Variants in KIF21A observed in about 807,000 individuals in gnomAD.
The protein encoded by KIF21A is kinesin family member 21A, also known as kinesin-like protein KIF21A.
Under a neutral mutation model 202.9 loss-of-function variants are expected in KIF21A, and 114 were observed. The observed-to-expected ratio is 0.56, with a 90% CI of 0.48 to 0.66. The LOEUF (loss-of-function observed/expected upper bound fraction) is 0.66. Ranked by LOEUF, KIF21A falls within the 30% of genes least tolerant of loss-of-function variation. KIF21A has a pLI of 0.00. For synonymous variants in KIF21A, 667 were observed against 670.8 expected (o/e 0.99, Z 0.09); for missense variants, 1,677 against 1,994.9 (o/e 0.84, Z 3.04).
At chr12:39,317,649 A>G (rs1944704537) in intron 29 of KIF21A, among the ~76,000 whole-genome samples, 1 of 152,180 alleles carries the variant, frequency 6.6e-6, no homozygotes, top group Non-Finnish European at 1.5e-5. Flanking sequence ...TGCACTTGTA[A>G]CAATGGTCTT....
intron 10 of KIF21A, among the ~76,000 whole-genome samples, chr12:39,353,369 A>T (rs1028160122): frequency 6.6e-6 from 1 of 152,192 alleles, no homozygotes; most frequent in South Asian, 2.1e-4. Context: ...ATGTGATACC[A>T]TATGCGAGCA....
chr12:39,370,747 A>C (rs973687926), intron 1 of KIF21A, among the ~76,000 whole-genome samples: 1 of 151,994 alleles, frequency 6.6e-6, no homozygotes, highest in Non-Finnish European at 1.5e-5. Flanking sequence ...TGGTTTCTGA[A>C]CCTATTTGAC....
At chr12:39,314,003 G>A (rs1006434934) in intron 31 of KIF21A, among the ~76,000 whole-genome samples, 1 of 151,366 alleles carries the variant, frequency 6.6e-6, no homozygotes, top group African/African-American at 2.4e-5. Flanking sequence ...TAATTTAAAA[G>A]GGCTGAATAT....
rs374575371 is a variant in KIF21A at position 39,384,494 on chromosome 12, C to T, written c.45-14233G>A. 2.0e-3 allele frequency among the ~76,000 whole-genome samples: 309 copies of T among 152,310 alleles called. 4 individuals carry two copies. Among genetic ancestry groups the T allele is most frequent in the African/African-American group, 7.1e-3 (297 of 41,562 alleles). ...CCCTGATTCTGGATCATGTCTCCCA[C>T]TCCCCCATTCTTGGACAAGGCTGCT... On this transcript the variant is annotated intron_variant, in intron 1 of 37. Coordinates refer to ENST00000361418, the MANE Select transcript of KIF21A (RefSeq NM_001173464.2).
At chr12:39,346,838 C>A (rs1182361564) in intron 11 of KIF21A, among the ~76,000 whole-genome samples, 1 of 151,608 alleles carries the variant, frequency 6.6e-6, no homozygotes, top group African/African-American at 2.4e-5. Flanking sequence ...TGAAGTGGGT[C>A]AATTTACTCA....
chr12:39,309,554 T>A, intron 33 of KIF21A, 32 bp downstream of exon 33: 1 of 1,462,986 alleles, frequency 6.8e-7, no homozygotes, highest in Non-Finnish European at 9.4e-7. Context: ...GAGCTATTCC[T>A]CCTTTATGCT....
intron 36 of KIF21A, among the ~76,000 whole-genome samples, chr12:39,302,396 CACATATATATAAGGAAAAACTTG>C (rs1318728273): frequency 6.6e-6 from 1 of 152,102 alleles, no homozygotes; most frequent in Non-Finnish European, 1.5e-5. Context: ...TAAATACCCA[CACATATATATAAGGAAAAACTTG>C]AAAAGAATTT....
intron 1 of KIF21A, among the ~76,000 whole-genome samples, chr12:39,418,546 G>C (rs1030635320): frequency 2.0e-5 from 3 of 152,088 alleles, no homozygotes; most frequent in Non-Finnish European, 2.9e-5. Flanking sequence ...CGAGTGTTTG[G>C]GAAATACTAG....
At chr12:39,298,643 T>C (rs1942653264) in intron 37 of KIF21A, among the ~76,000 whole-genome samples, 2 of 152,142 alleles carry the variant, frequency 1.3e-5, no homozygotes, top group African/African-American at 4.8e-5. Flanking sequence ...AGTAATCCAA[T>C]TGCCTGATAA....
intron 1 of KIF21A, among the ~76,000 whole-genome samples, chr12:39,392,600 C>T (rs1394829382): frequency 6.6e-6 from 1 of 151,760 alleles, no homozygotes; most frequent in Non-Finnish European, 1.5e-5. Flanking sequence ...AAATAAATGG[C>T]AGTAAAATAA....
intron 12 of KIF21A, among the ~76,000 whole-genome samples, chr12:39,345,361 C>A (rs1947808444): frequency 6.6e-6 from 1 of 151,846 alleles, no homozygotes; most frequent in African/African-American, 2.4e-5. Context: ...AACATGTTGT[C>A]CTAAATATGT....
In KIF21A at chr12:39,406,513, C is replaced by T. The variant is rs181460480; in HGVS notation, c.45-36252G>A. On this transcript the variant is annotated intron_variant, in intron 1 of 37. Transcript: ENST00000361418. Reference sequence around the variant, plus strand: ...ATGCTTACCTCCCACTAAAGCCATCCATGTCACCCAAAATGTTCACTCCCT... The same window carrying T: ...ATGCTTACCTCCCACTAAAGCCATCTATGTCACCCAAAATGTTCACTCCCT... Among the ~76,000 whole-genome samples, 81 of 152,326 alleles carry T rather than the reference C, an allele frequency of 5.3e-4. 1 individual carries two copies. The highest frequency in any genetic ancestry group is 8.8e-5 in the Non-Finnish European group (6 of 68,038).
chr12:39,315,256 A>C lies in KIF21A; in HGVS notation c.3948-16T>G. On this transcript the variant is annotated splice_polypyrimidine_tract_variant and intron_variant, in intron 30 of 37. Coordinates refer to ENST00000361418, the MANE Select transcript of KIF21A (RefSeq NM_001173464.2). ...TCTGGAGGATCTGCTGATGATCAGC[A>C]AAAATGGCCATAAAACAAGGAAAAC... is the stretch of plus-strand genomic sequence containing the variant. 6.2e-7 allele frequency: 1 copy of C among 1,611,440 alleles called. No homozygotes were observed. The highest frequency in any genetic ancestry group is 8.5e-7 in the Non-Finnish European group (1 of 1,178,020).
In KIF21A at chr12:39,369,760, G is replaced by A. The variant is rs1249716902; in HGVS notation, c.419C>T (p.Pro140Leu). The change falls in exon 3 of 38, where the codon CCA (proline) becomes CTA (leucine). Residue 140 changes from proline to leucine, a missense_variant. Transcript: ENST00000361418. ...GAATTGGGCATTCACTTTAAAATCT[G>A]GAGCAGGAAGCCCATTTTTAATTGC... ...HIAIKNGLPAPDFKVNAQFLE... is the reference protein window; with the variant it reads ...HIAIKNGLPALDFKVNAQFLE... The A allele has an allele frequency of 1.2e-6, 2 of 1,612,656 alleles. No homozygotes were observed. The highest frequency in any genetic ancestry group is 1.7e-6 in the Non-Finnish European group (2 of 1,179,540).
chr12:39,353,652 TTTA>T (rs1948565432), intron 10 of KIF21A, among the ~76,000 whole-genome samples: 1 of 152,156 alleles, frequency 6.6e-6, no homozygotes, highest in African/African-American at 2.4e-5. Flanking sequence ...AATTGTCTCC[TTTA>T]TTATTATGTA....
At position 39,346,531 on chromosome 12, in the gene KIF21A, G is replaced by T. The variant is rs1436192110; in HGVS notation, c.1674-27C>A. The T allele has an allele frequency of 5.6e-6, 8 of 1,427,840 alleles. No homozygotes were observed. The Admixed American group carries it at 2.0e-4, about 35-fold the overall frequency. The allele number at this position is 1,427,840 out of a possible 1,614,324, so 88.4% of individuals were successfully genotyped here. A position where few individuals can be genotyped will look rare whatever the true frequency, so the allele number is the denominator to read the frequency against. On this transcript the variant is annotated intron_variant, in intron 11 of 37. Coordinates refer to ENST00000361418, the MANE Select transcript of KIF21A (RefSeq NM_001173464.2). ...TTCAAAATCACGAGGCACAGTATTG[G>T]AAGGCCAAGCCAATGAAGGACAAAC...
In KIF21A at chr12:39,309,619, A is replaced by C; in HGVS notation, c.4244T>G (p.Ile1415Ser). The C allele has an allele frequency of 6.2e-7, 1 of 1,612,806 alleles. No individual in the cohort carries two copies. The highest frequency in any genetic ancestry group is 8.5e-7 in the Non-Finnish European group (1 of 1,179,570). Residue 1415 changes from isoleucine (I) to serine (S), a missense_variant, in exon 33 of 38, where the codon ATC becomes AGC. By Grantham distance (142) the Ile-to-Ser change is moderately radical. Transcript: ENST00000361418. ...TCGAATGCACTTTGCTGAATCTCTGATATCCCACACCTTAATATAAGATGT... is the reference window on the plus strand; with the variant it reads ...TCGAATGCACTTTGCTGAATCTCTGCTATCCCACACCTTAATATAAGATGT... ...VSTSYIKVWDIRDSAKCIRTL... is the reference protein window; with the variant it reads ...VSTSYIKVWDSRDSAKCIRTL...
At chr12:39,419,937 C>T (rs1211246841) in intron 1 of KIF21A, among the ~76,000 whole-genome samples, 1 of 151,896 alleles carries the variant, frequency 6.6e-6, no homozygotes, top group East Asian at 1.9e-4. Context: ...GAAGACAGGC[C>T]CATCTCAGAG....
chr12:39,321,159 A>T (rs1198353067), intron 27 of KIF21A, among the ~76,000 whole-genome samples: 1 of 152,206 alleles, frequency 6.6e-6, no homozygotes, highest in Non-Finnish European at 1.5e-5. Context: ...GTAATGGCTT[A>T]TAAGAGTTAC....
Sources: gnomAD v4.1 joint callset for allele counts (sites outside exome capture counted in the v4.1 genomes callset) on GRCh38, gnomAD v4.1.1 for gene constraint, MANE v1.5 for transcripts, NCBI Gene and HGNC (gene_info 2026-07-23, HGNC 2026-07-21) for gene names.